ZC3H12C: variants seen among roughly 807,000 people sequenced by gnomAD.
ZC3H12C encodes probable ribonuclease ZC3H12C.
ZC3H12C carries 20 observed loss-of-function variants against 76.3 expected under a neutral mutation model. The observed-to-expected ratio is 0.26, with a 90% CI of 0.18 to 0.38. The LOEUF (loss-of-function observed/expected upper bound fraction) is 0.38, where lower values mean the gene tolerates loss of function less well. ZC3H12C is among the 10% of genes least tolerant of loss of function. The pLI is 1.00. For missense variants in ZC3H12C, 874 were observed against 1,086.5 expected, an observed-to-expected ratio of 0.80 and a Z score of 2.75; for synonymous variants, 352 against 399.6, an observed-to-expected ratio of 0.88 and a Z score of 1.42.
chr11:110,132,007 C>G (rs903244778), intron 1 of ZC3H12C, among the ~76,000 whole-genome samples: 1 of 152,180 alleles, frequency 6.6e-6, no homozygotes, highest in African/African-American at 2.4e-5. Flanking sequence ...CAACAGCACT[C>G]ACTCAAATAC....
intron 1 of ZC3H12C, among the ~76,000 whole-genome samples, chr11:110,128,900 A>G (rs1236762629): frequency 2.6e-5 from 4 of 151,472 alleles, no homozygotes; most frequent in African/African-American, 9.7e-5. Flanking sequence ...AAAAAAAAAA[A>G]AAAAAAAAAA....
intron 1 of ZC3H12C, among the ~76,000 whole-genome samples, chr11:110,096,880 A>T (rs1861122353): frequency 6.6e-6 from 1 of 152,240 alleles, no homozygotes; most frequent in Admixed American, 6.5e-5. Context: ...ACAAATCAAA[A>T]GACTCCAGTT....
intron 2 of ZC3H12C, among the ~76,000 whole-genome samples, chr11:110,143,868 A>C (rs2134183356): frequency 6.6e-6 from 1 of 152,128 alleles, no homozygotes; most frequent in African/African-American, 2.4e-5. Flanking sequence ...TCATTGACAA[A>C]CCCTGCTAAC....
intron 2 of ZC3H12C, among the ~76,000 whole-genome samples, chr11:110,147,618 T>C (rs1448518075): frequency 7.8e-6 from 1 of 127,660 alleles, no homozygotes; most frequent in Non-Finnish European, 1.6e-5. Flanking sequence ...TAAAGTAAAA[T>C]TAAAAAAAAA....
chr11:110,164,450 A>G lies in ZC3H12C; in HGVS notation c.1365A>G (p.Ala455=). 3 of 1,614,062 alleles carry G rather than the reference A, an allele frequency of 1.9e-6. No homozygotes were observed. In the South Asian group the frequency reaches 3.3e-5, roughly 18 times the overall value. ...TCCGTGCCATGTCTAGAAATACGGC[A>G]GCCAAAACTGCAAACGAAGGAGGAC... ...DELRAMSRNT[A]AKTANEGGLV... is the part of the protein sequence containing the mutation. Residue 455 remains alanine (A), a synonymous_variant, in exon 6 of 6, where the codon GCA becomes GCG. Transcript: ENST00000278590. This position sits in a 1 kb window ranked among gnomAD's most constrained non-coding sequence, Gnocchi z 5.7.
chr11:110,126,470 T>C (rs1262254018), intron 1 of ZC3H12C, among the ~76,000 whole-genome samples: 1 of 152,200 alleles, frequency 6.6e-6, no homozygotes, highest in Non-Finnish European at 1.5e-5. Flanking sequence ...TCCTCCTGCC[T>C]CAGCCTCCTA....
chr11:110,143,673 A>G (rs1386650669), intron 2 of ZC3H12C, among the ~76,000 whole-genome samples: 1 of 152,108 alleles, frequency 6.6e-6, no homozygotes, highest in East Asian at 1.9e-4. Context: ...ACACACGTAT[A>G]TGTATTTGTA....
chr11:110,113,301 ACAAAC>A (rs1450880748), intron 1 of ZC3H12C, among the ~76,000 whole-genome samples: 1 of 152,204 alleles, frequency 6.6e-6, no homozygotes, highest in East Asian at 1.9e-4. Flanking sequence ...AATGTAAGCA[ACAAAC>A]CCAATGTTAA....
intron 5 of ZC3H12C, 91 bp downstream of exon 5, chr11:110,163,470 G>T: frequency 2.9e-6 from 3 of 1,046,774 alleles, no homozygotes. Context: ...TAAAATTTTG[G>T]ATGGCATAAT....
chr11:110,158,551 T>A (rs1180039797), intron 3 of ZC3H12C, among the ~76,000 whole-genome samples: 1 of 151,504 alleles, frequency 6.6e-6, no homozygotes, highest in Non-Finnish European at 1.5e-5. Flanking sequence ...TGAGCATATC[T>A]CTACCTGGCC....
chr11:110,095,013 C>T (rs117104919), intron 1 of ZC3H12C, among the ~76,000 whole-genome samples: 1,928 of 152,186 alleles, frequency 0.013, 20 homozygotes, highest in Middle Eastern at 0.02. Context: ...AAGTGACTGG[C>T]ATTTTTTAGC....
intron 1 of ZC3H12C, among the ~76,000 whole-genome samples, chr11:110,096,585 C>T (rs1368907435): frequency 6.6e-6 from 1 of 152,028 alleles, no homozygotes; most frequent in Non-Finnish European, 1.5e-5. Flanking sequence ...GGAGTTCAGA[C>T]CCAGGCAGTC....
At chr11:110,144,695 A>G (rs10891065) in intron 2 of ZC3H12C, among the ~76,000 whole-genome samples, 32,458 of 152,164 alleles carry the variant, frequency 0.21, 3,563 homozygotes, top group Middle Eastern at 0.35. Flanking sequence ...TTTAACAAGC[A>G]TTATATAATA....
intron 1 of ZC3H12C, chr11:110,131,109 G>A (rs925808004): frequency 6.5e-7 from 1 of 1,532,878 alleles, no homozygotes; most frequent in Non-Finnish European, 8.7e-7. Context: ...CTGCTAACGT[G>A]AGTATTTGTG....
chr11:110,114,561 T>C (rs921641682), intron 1 of ZC3H12C, among the ~76,000 whole-genome samples: 1 of 152,238 alleles, frequency 6.6e-6, no homozygotes, highest in South Asian at 2.1e-4. Context: ...AGTAAATTAA[T>C]TCATTGGATA....
intron 1 of ZC3H12C, chr11:110,131,073 A>G: frequency 2.0e-6 from 3 of 1,535,872 alleles, no homozygotes; most frequent in South Asian, 2.4e-5. Context: ...TGAAGCTGCT[A>G]CAGAAACCAA....
In ZC3H12C at chr11:110,164,840, C is replaced by T. The variant is rs375663453; in HGVS notation, c.1755C>T (p.Val585=). Residue 585 remains valine (V), a synonymous_variant, in exon 6 of 6, where the codon GTC becomes GTT. Coordinates refer to ENST00000278590, the MANE Select transcript of ZC3H12C (RefSeq NM_033390.2). The surrounding 1 kb of genome is among the most constrained non-coding windows in gnomAD (Gnocchi z 5.7). ...YEQYPKCDSP[V]DIGYYSMLNA... is the part of the protein sequence containing the mutation. ...AGTATCCAAAATGTGACTCACCTGT[C>T]GACATCGGATATTATTCCATGTTGA... 1.2e-5 allele frequency: 19 copies of T among 1,613,860 alleles called. No individual in the cohort carries two copies. Among genetic ancestry groups the T allele is most frequent in the Non-Finnish European group, 1.6e-5 (19 of 1,179,908 alleles).
chr11:110,163,774 A>G (rs79009490), intron 5 of ZC3H12C, among the ~76,000 whole-genome samples: 1 of 152,308 alleles, frequency 6.6e-6, no homozygotes, highest in East Asian at 1.9e-4. Flanking sequence ...AGAGGCAGGT[A>G]GGAGTTGAGG....
At chr11:110,159,976 C>G (rs1862450265) in intron 4 of ZC3H12C, among the ~76,000 whole-genome samples, 1 of 152,260 alleles carries the variant, frequency 6.6e-6, no homozygotes, top group Non-Finnish European at 1.5e-5. Context: ...TACTACACGC[C>G]TAGGCGATGT....
Sources: gnomAD v4.1 joint callset for allele counts (sites outside exome capture counted in the v4.1 genomes callset) on GRCh38, gnomAD v4.1.1 for gene constraint, Gnocchi (gnomAD v3.1) non-coding constraint, MANE v1.5 for transcripts, NCBI Gene and HGNC (gene_info 2026-07-23, HGNC 2026-07-21) for gene names.